The following PLEKHM2 variants were observed in gnomAD, a reference collection of about 807,000 sequenced individuals.
PLEKHM2 encodes the protein pleckstrin homology and RUN domain containing M2.
In PLEKHM2, 77 loss-of-function variants were observed where a neutral mutation model predicts 116.3. The ratio of observed to expected loss-of-function variants is 0.66; its 90% CI spans 0.55 to 0.80. The LOEUF (loss-of-function observed/expected upper bound fraction) is 0.80, where lower values mean the gene tolerates loss of function less well. Among genes scored for constraint, PLEKHM2 ranks in the 30% least tolerant of loss-of-function variants. PLEKHM2 has a pLI of 0.00. For synonymous variants in PLEKHM2, 562 were observed against 571.0 expected (o/e 0.98, Z 0.22); for missense variants, 1,183 against 1,354.9 (o/e 0.87, Z 1.99).
At chr1:15,710,976 A>C (rs1324470968) in intron 1 of PLEKHM2, among the ~76,000 whole-genome samples, 1 of 151,982 alleles carries the variant, frequency 6.6e-6, no homozygotes, top group African/African-American at 2.4e-5. Context: ...GGAGTTTGAG[A>C]CCAGCCTGGC....
At chr1:15,724,120 A>G (rs1269316744) in intron 7 of PLEKHM2, among the ~76,000 whole-genome samples, 1 of 151,846 alleles carries the variant, frequency 6.6e-6, no homozygotes, top group East Asian at 1.9e-4. Context: ...TGTCCAAGCC[A>G]GCTCCCCTCT....
rs767142804 is a variant in PLEKHM2 at position 15,690,306 on chromosome 1, T to A, written c.60+5688T>A. On this transcript the variant is annotated intron_variant, in intron 1 of 19. Coordinates refer to ENST00000375799, the MANE Select transcript of PLEKHM2 (RefSeq NM_015164.4). The stretch of plus-strand genomic sequence containing the variant: ...GTCTCAAACTCCTGGTTTCCAGTAA[T>A]ACACCCACCTTGGCCTCCCAAAGTA... Among the ~76,000 whole-genome samples, 33 of 152,180 alleles carry A rather than the reference T, an allele frequency of 2.2e-4. 1 individual carries two copies. The highest frequency in any genetic ancestry group is 3.8e-4 in the Non-Finnish European group (26 of 68,034).
At chr1:15,681,768 T>C (rs1640648761), upstream of PLEKHM2, among the ~76,000 whole-genome samples, 1 of 152,232 alleles carries the variant, frequency 6.6e-6, no homozygotes, top group Non-Finnish European at 1.5e-5. Flanking sequence ...TAATGTGTCC[T>C]CTGTCCTCAA....
chr1:15,699,736 G>C (rs1641072672), intron 1 of PLEKHM2, among the ~76,000 whole-genome samples: 1 of 152,056 alleles, frequency 6.6e-6, no homozygotes, highest in Admixed American at 6.6e-5. Flanking sequence ...AAGGTGGGAG[G>C]ATCGCTTGAG....
chr1:15,701,170 T>G (rs6429771), intron 1 of PLEKHM2, among the ~76,000 whole-genome samples: 54,045 of 143,822 alleles, frequency 0.38, 12,883 homozygotes, highest in African/African-American at 0.69. Flanking sequence ...GGTGGCTCAC[T>G]CCTGTAATCC....
At chr1:15,688,397 A>C (rs1640815167) in intron 1 of PLEKHM2, among the ~76,000 whole-genome samples, 2 of 152,226 alleles carry the variant, frequency 1.3e-5, no homozygotes, top group South Asian at 4.1e-4. Flanking sequence ...CACGCCTGTA[A>C]TCCCAGCACT....
chr1:15,718,759 G>GT, intron 5 of PLEKHM2, 134 bp downstream of exon 5: 2 of 617,274 alleles, frequency 3.2e-6, no homozygotes, highest in Non-Finnish European at 2.9e-6. Flanking sequence ...AGCAAAACTT[G>GT]TTTTTTTGGG....
At chr1:15,692,882 G>A (rs2148332308) in intron 1 of PLEKHM2, among the ~76,000 whole-genome samples, 2 of 151,718 alleles carry the variant, frequency 1.3e-5, no homozygotes, top group South Asian at 4.2e-4. Context: ...TGGGATTATA[G>A]GCATGCACCA....
intron 7 of PLEKHM2, among the ~76,000 whole-genome samples, chr1:15,724,932 T>C (rs1005242487): frequency 3.9e-5 from 6 of 152,040 alleles, no homozygotes; most frequent in African/African-American, 1.4e-4. Flanking sequence ...GAGGGTAACC[T>C]AAGAGGCGTG....
chr1:15,727,311 T>C lies in PLEKHM2; in HGVS notation c.1239T>C (p.Val413=), dbSNP rs1316674568. 6.2e-7 allele frequency: 1 copy of C among 1,603,124 alleles called. No individual in the cohort carries two copies. The highest frequency in any genetic ancestry group is 8.5e-7 in the Non-Finnish European group (1 of 1,175,814). Residue 413 remains valine (V), a synonymous_variant, in exon 9 of 20, where the codon GTT becomes GTC. Coordinates refer to ENST00000375799, the MANE Select transcript of PLEKHM2 (RefSeq NM_015164.4). The surrounding 1 kb of genome is among the most constrained non-coding windows in gnomAD (Gnocchi z 7.5). ...MERLGQPLSK[V]IDQLNGQLDP... The stretch of plus-strand genomic sequence containing the variant: ...GCTTGGGGCAGCCCCTGAGCAAGGT[T>C]ATCGACCAGCTCAACGGGCAGCTGG...
chr1:15,719,270 C>T lies in PLEKHM2; in HGVS notation c.466-464C>T, dbSNP rs1156719867. Among the ~76,000 whole-genome samples the T allele has an allele frequency of 6.6e-6, 1 of 152,034 alleles. No individual in the cohort carries two copies. The highest frequency in any genetic ancestry group is 2.4e-5 in the African/African-American group (1 of 41,390). The stretch of plus-strand genomic sequence containing the variant: ...TTCGAGACCAGCCTGGCCAACATGG[C>T]GAAACCTCGTCTCTACTAAAAAAAT... On this transcript the variant is annotated intron_variant, in intron 5 of 19. Transcript: ENST00000375799. The surrounding 1 kb of genome is among the most constrained non-coding windows in gnomAD (Gnocchi z 4.1).
Position 15,684,388 on chromosome 1 carries a change from C to T in PLEKHM2, c.-171C>T, listed in dbSNP as rs988258656. 5.5e-6 allele frequency: 1 copy of T among 183,306 alleles called. No individual in the cohort carries two copies. Among genetic ancestry groups the T allele is most frequent in the African/African-American group, 2.4e-5 (1 of 41,512 alleles). 11.4% of individuals were successfully genotyped at this position (183,306 alleles called of 1,614,324 possible). The stretch of plus-strand genomic sequence containing the variant: ...CTCCGGGCCGCGGTGGAGCGAGGGC[C>T]CAGGCGAGGCGAGGGCCGGGCGGCG... On this transcript the variant is annotated 5_prime_UTR_variant, in exon 1 of 20. Transcript: ENST00000375799.
chr1:15,704,180 C>A (rs1347115986), intron 1 of PLEKHM2, among the ~76,000 whole-genome samples: 6 of 151,240 alleles, frequency 4.0e-5, no homozygotes, highest in Non-Finnish European at 7.4e-5. Context: ...GGGTCCCATC[C>A]TGTCTTTCCT....
At chr1:15,717,395 C>T (rs967318423) in intron 3 of PLEKHM2, among the ~76,000 whole-genome samples, 1 of 152,182 alleles carries the variant, frequency 6.6e-6, no homozygotes, top group Admixed American at 6.5e-5. Context: ...GCCTGGGTGA[C>T]AGAGTCTCTG....
rs1335558021 is a variant in PLEKHM2, at chr1:15,719,343, T to C, written c.466-391T>C. On this transcript the variant is annotated intron_variant, in intron 5 of 19. Transcript: ENST00000375799. This position sits in a 1 kb window ranked among gnomAD's most constrained non-coding sequence, Gnocchi z 4.1. Reference sequence around the variant, plus strand: ...GATGGGCGCCTATAATCTCAGCTACTTGGGAGGCTGAGGCAGGAGAATCGC... The same window carrying C: ...GATGGGCGCCTATAATCTCAGCTACCTGGGAGGCTGAGGCAGGAGAATCGC... Among the ~76,000 whole-genome samples, 1 of 151,952 alleles carries C rather than the reference T, an allele frequency of 6.6e-6. No homozygotes were observed. Among genetic ancestry groups the C allele is most frequent in the Non-Finnish European group, 1.5e-5 (1 of 67,986 alleles).
At chr1:15,690,076 T>G (rs1220844866) in intron 1 of PLEKHM2, among the ~76,000 whole-genome samples, 9 of 150,112 alleles carry the variant, frequency 6.0e-5, no homozygotes, top group South Asian at 2.1e-4. Context: ...TTTTTTTTGT[T>G]TTGTTTTTTT....
intron 1 of PLEKHM2, among the ~76,000 whole-genome samples, chr1:15,705,021 C>A (rs1641193586): frequency 6.6e-6 from 1 of 152,062 alleles, no homozygotes; most frequent in South Asian, 2.1e-4. Flanking sequence ...TGGGTGAGGA[C>A]CCCTGGTCTA....
At position 15,728,040 on chromosome 1, in the gene PLEKHM2, C is replaced by T. The variant is rs371443935; in HGVS notation, c.1761-39C>T. 55 of 1,543,358 alleles carry T rather than the reference C, an allele frequency of 3.6e-5. No individual in the cohort carries two copies. Among genetic ancestry groups the T allele is most frequent in the Non-Finnish European group, 4.4e-5 (49 of 1,125,172 alleles). ...TGGGGTGTGGCCTCTCTCACCGCTGCCTGCCTGACATCTCGCCCTCCTGAC... is the reference window on the plus strand; with the variant it reads ...TGGGGTGTGGCCTCTCTCACCGCTGTCTGCCTGACATCTCGCCCTCCTGAC... On this transcript the variant is annotated intron_variant, in intron 9 of 19. Coordinates refer to ENST00000375799, the MANE Select transcript of PLEKHM2 (RefSeq NM_015164.4). This position sits in a 1 kb window ranked among gnomAD's most constrained non-coding sequence, Gnocchi z 5.9.
At position 15,734,527 on chromosome 1, in the gene PLEKHM2, T is replaced by TCCTGC. The variant is rs2068197066; in HGVS notation, c.*600_*604dup. 2.0e-5 allele frequency: 3 copies of TCCTGC among 152,864 alleles called. No homozygotes were observed. The highest frequency in any genetic ancestry group is 4.4e-5 in the Non-Finnish European group (3 of 68,506). The allele number at this position is 152,864 out of a possible 1,614,324, so 9.5% of individuals were successfully genotyped here. A position where few individuals can be genotyped will look rare whatever the true frequency, so the allele number is the denominator to read the frequency against. ...GCCAGGAGGCTCTGCATGCCCACAG[T>TCCTGC]CCTGCCCTGCCTGTCCCCTCAACCC... On this transcript the variant is annotated 3_prime_UTR_variant, in exon 20 of 20. Coordinates refer to ENST00000375799, the MANE Select transcript of PLEKHM2 (RefSeq NM_015164.4).
Sources: allele counts gnomAD v4.1 joint callset (sites outside exome capture counted in the v4.1 genomes callset), GRCh38; gene constraint gnomAD v4.1.1; non-coding constraint Gnocchi (gnomAD v3.1); transcripts MANE v1.5; gene names NCBI Gene and HGNC (gene_info 2026-07-23, HGNC 2026-07-21).